ATG14: variants seen among roughly 807,000 people sequenced by gnomAD.
ATG14 encodes autophagy related 14, also known as beclin 1-associated autophagy-related key regulator.
In ATG14, 35 loss-of-function variants were observed where a neutral mutation model predicts 60.4. The ratio of observed to expected loss-of-function variants is 0.58; its 90% CI spans 0.44 to 0.77. ATG14 has a LOEUF of 0.77. Among genes scored for constraint, ATG14 ranks in the 30% least tolerant of loss-of-function variants. The pLI is 0.00. For missense variants in ATG14, 647 were observed against 626.3 expected (o/e 1.03, Z -0.35); for synonymous variants, 234 against 228.8 (o/e 1.02, Z -0.21).
intron 1 of ATG14, among the ~76,000 whole-genome samples, chr14:55,404,022 G>A (rs954922124): frequency 3.3e-5 from 5 of 152,318 alleles, no homozygotes; most frequent in African/African-American, 1.2e-4. Flanking sequence ...AATGGTCACT[G>A]AGAGTTATTC....
chr14:55,403,535 T>C (rs2341536), intron 1 of ATG14, among the ~76,000 whole-genome samples: 16,674 of 152,094 alleles, frequency 0.11, 2,548 homozygotes, highest in African/African-American at 0.35. Context: ...GGGATAGTCA[T>C]ATATAATCTT....
At chr14:55,400,563 T>C (rs1019328064) in intron 1 of ATG14, among the ~76,000 whole-genome samples, 1 of 152,308 alleles carries the variant, frequency 6.6e-6, no homozygotes. Flanking sequence ...AATAGCCTAG[T>C]GCACTTTTAT....
At chr14:55,388,695 A>G (rs1316644460) in intron 4 of ATG14, among the ~76,000 whole-genome samples, 1 of 152,224 alleles carries the variant, frequency 6.6e-6, no homozygotes, top group Middle Eastern at 3.2e-3. Flanking sequence ...TTCAACAACA[A>G]CAAGCTCTTA....
rs534508903 is a variant in ATG14, at chr14:55,377,723, T to C, written c.1172+96A>G. 297 of 823,562 alleles carry C rather than the reference T, an allele frequency of 3.6e-4. 3 individuals carry two copies. In the African/African-American group the frequency reaches 4.5e-3, roughly 12 times the overall value. 51.0% of individuals were successfully genotyped at this position (823,562 alleles called of 1,614,324 possible). ...ACTATTTTTGTCCGGTTTGAGGAGT[T>C]TGGGATTAGGGAACACGACTCTACT... On this transcript the variant is annotated intron_variant, in intron 9 of 9. Coordinates refer to ENST00000247178, the MANE Select transcript of ATG14 (RefSeq NM_014924.5).
chr14:55,392,632 T>C (rs1011066350), intron 3 of ATG14, among the ~76,000 whole-genome samples: 2 of 127,834 alleles, frequency 1.6e-5, no homozygotes, highest in African/African-American at 6.0e-5. Flanking sequence ...CTGGGTGATA[T>C]AGCAAGACTC....
Position 55,367,892 on chromosome 14 carries a change from A to C in ATG14, c.*1727T>G, listed in dbSNP as rs1020833701. On this transcript the variant is annotated 3_prime_UTR_variant, in exon 10 of 10. Transcript: ENST00000247178. Reference sequence around the variant, plus strand: ...AACTATACAAAACACCAAATATACCATTAGCAAAAGCTATATAGCACCTCG... The same window carrying C: ...AACTATACAAAACACCAAATATACCCTTAGCAAAAGCTATATAGCACCTCG... 1 of 152,514 alleles carries C rather than the reference A, an allele frequency of 6.6e-6. No homozygotes were observed. The highest frequency in any genetic ancestry group is 2.4e-5 in the African/African-American group (1 of 41,468). 9.4% of individuals were successfully genotyped at this position (152,514 alleles called of 1,614,324 possible). A position where few individuals can be genotyped will look rare whatever the true frequency, so the allele number is the denominator to read the frequency against.
chr14:55,411,830 TGAGAG>T (rs755289355), upstream of ATG14: 30 of 1,582,482 alleles, frequency 1.9e-5, no homozygotes, highest in South Asian at 3.3e-4. Context: ...CATGATGGCC[TGAGAG>T]GAGAGCCAGT....
intron 1 of ATG14, among the ~76,000 whole-genome samples, chr14:55,404,505 T>C (rs1478027615): frequency 2.0e-5 from 3 of 152,226 alleles, no homozygotes; most frequent in Non-Finnish European, 4.4e-5. Context: ...ATTACTTTTA[T>C]ATAATCACAT....
intron 1 of ATG14, among the ~76,000 whole-genome samples, chr14:55,405,212 C>G (rs941473106): frequency 6.6e-6 from 1 of 152,064 alleles, no homozygotes; most frequent in African/African-American, 2.4e-5. Context: ...TAGATTTTTA[C>G]GGGCCACAGT....
At chr14:55,374,345 C>T (rs1884879774) in intron 9 of ATG14, among the ~76,000 whole-genome samples, 1 of 152,134 alleles carries the variant, frequency 6.6e-6, no homozygotes, top group Admixed American at 6.5e-5. Context: ...ACTTACATTT[C>T]TTGTGTGAGC....
chr14:55,395,089 T>C (rs1326890766), intron 3 of ATG14: 8 of 504,194 alleles, frequency 1.6e-5, no homozygotes, highest in Non-Finnish European at 2.8e-5. Context: ...TTGCACTTTT[T>C]TGTCTGAAGA....
chr14:55,394,289 G>A (rs1020543617), intron 3 of ATG14, among the ~76,000 whole-genome samples: 1 of 152,298 alleles, frequency 6.6e-6, no homozygotes. Flanking sequence ...ATAGGCATGA[G>A]CCAACGTGCC....
intron 9 of ATG14, among the ~76,000 whole-genome samples, chr14:55,376,676 C>T (rs1884924092): frequency 6.6e-6 from 1 of 152,162 alleles, no homozygotes; most frequent in African/African-American, 2.4e-5. Context: ...TCCCCTAATG[C>T]CTTGGGTTTC....
Position 55,367,464 on chromosome 14 carries a change from C to G in ATG14, c.*2155G>C, listed in dbSNP as rs922955698. On this transcript the variant is annotated 3_prime_UTR_variant, in exon 10 of 10. Coordinates refer to ENST00000247178, the MANE Select transcript of ATG14 (RefSeq NM_014924.5). ...CAGTGTAGAAGAACCCATAAGGGGC[C>G]GGGCGCGGTGGCTCAGGCCTGTAAT... 6.6e-6 allele frequency: 1 copy of G among 152,142 alleles called. No individual in the cohort carries two copies. Among genetic ancestry groups the G allele is most frequent in the Non-Finnish European group, 1.5e-5 (1 of 68,038 alleles). 9.4% of individuals were successfully genotyped at this position (152,142 alleles called of 1,614,324 possible).
chr14:55,405,017 A>G (rs772824934), intron 1 of ATG14, among the ~76,000 whole-genome samples: 2 of 152,218 alleles, frequency 1.3e-5, no homozygotes, highest in African/African-American at 2.4e-5. Context: ...CTAGCTGAAA[A>G]TAAGTTATAT....
chr14:55,377,780 A>C, intron 9 of ATG14, 39 bp downstream of exon 9: 2 of 1,450,456 alleles, frequency 1.4e-6, no homozygotes, highest in Non-Finnish European at 1.9e-6. Context: ...AACAGGATTC[A>C]CAAAAACACT....
chr14:55,367,049 A>G lies in ATG14; in HGVS notation c.*2570T>C, dbSNP rs1294518387. On this transcript the variant is annotated 3_prime_UTR_variant, in exon 10 of 10. Coordinates refer to ENST00000247178, the MANE Select transcript of ATG14 (RefSeq NM_014924.5). ...GTGCCTCTAGTTGATATTAACAACAACAAACAAAATATATCCTATCCATAA... is the reference window on the plus strand; with the variant it reads ...GTGCCTCTAGTTGATATTAACAACAGCAAACAAAATATATCCTATCCATAA... The G allele has an allele frequency of 6.5e-6, 1 of 152,690 alleles. No individual in the cohort carries two copies. The highest frequency in any genetic ancestry group is 6.5e-5 in the Admixed American group (1 of 15,288). 9.5% of individuals were successfully genotyped at this position (152,690 alleles called of 1,614,324 possible). A position where few individuals can be genotyped will look rare whatever the true frequency, so the allele number is the denominator to read the frequency against.
At chr14:55,393,632 C>A (rs1885261647) in intron 3 of ATG14, among the ~76,000 whole-genome samples, 1 of 151,306 alleles carries the variant, frequency 6.6e-6, no homozygotes, top group Non-Finnish European at 1.5e-5. Flanking sequence ...TTCAGCCTGA[C>A]CTCCCTGGCT....
chr14:55,397,870 T>C (rs1364595658), intron 1 of ATG14, among the ~76,000 whole-genome samples: 1 of 152,152 alleles, frequency 6.6e-6, no homozygotes, highest in Non-Finnish European at 1.5e-5. Context: ...ACTAATTTTA[T>C]TGCTAGTTAT....
Sources: allele counts gnomAD v4.1 joint callset (sites outside exome capture counted in the v4.1 genomes callset), GRCh38; gene constraint gnomAD v4.1.1; transcripts MANE v1.5; gene names NCBI Gene and HGNC (gene_info 2026-07-23, HGNC 2026-07-21).